The following ATP9B variants were observed in gnomAD, a reference collection of about 807,000 sequenced individuals.
ATP9B encodes the protein ATPase phospholipid transporting 9B, also known as probable phospholipid-transporting ATPase IIB.
Under a neutral mutation model 146.1 loss-of-function variants are expected in ATP9B, and 110 were observed. The ratio of observed to expected loss-of-function variants is 0.75; its 90% CI spans 0.65 to 0.88. ATP9B has a LOEUF of 0.88. Ranked by LOEUF, ATP9B falls within the 40% of genes least tolerant of loss-of-function variation. The pLI is 0.00. For synonymous variants in ATP9B, 604 were observed against 569.7 expected (o/e 1.06, Z -0.86); for missense variants, 1,499 against 1,496.4 (o/e 1.00, Z -0.03).
chr18:79,254,802 A>G lies in ATP9B; in HGVS notation c.1268+1261A>G, dbSNP rs76422612. The G allele has an allele frequency of 3.4e-3, 524 of 152,760 alleles. 14 individuals carry two copies. In the East Asian group the frequency reaches 0.061, roughly 18 times the overall value. 9.5% of individuals were successfully genotyped at this position (152,760 alleles called of 1,614,324 possible). On this transcript the variant is annotated intron_variant, in intron 12 of 29. Coordinates refer to ENST00000426216, the MANE Select transcript of ATP9B (RefSeq NM_198531.5). ...TGCTTCAGTGCTCCTCTACCTCATC[A>G]TTCCATGGCTGGGCTTGTCTTGTCA...
chr18:79,350,809 C>G (rs2096918632), intron 25 of ATP9B, among the ~76,000 whole-genome samples: 1 of 149,690 alleles, frequency 6.7e-6, no homozygotes, highest in African/African-American at 2.5e-5. Context: ...TGCTGTGTCG[C>G]CCAGGCTGGA....
chr18:79,217,325 C>T (rs754201040), intron 11 of ATP9B, among the ~76,000 whole-genome samples: 1 of 152,306 alleles, frequency 6.6e-6, no homozygotes, highest in Admixed American at 6.5e-5. Context: ...GCTGGGACTA[C>T]AGGCGTCCAC....
intron 1 of ATP9B, among the ~76,000 whole-genome samples, chr18:79,083,368 A>T (rs1005650978): frequency 2.6e-5 from 4 of 152,196 alleles, no homozygotes; most frequent in African/African-American, 9.6e-5. Flanking sequence ...TCGCTGAGGT[A>T]GATCACTTGG....
chr18:79,096,646 C>T lies in ATP9B; in HGVS notation c.290C>T (p.Thr97Ile), dbSNP rs2074805031. 1 of 1,611,134 alleles carries T rather than the reference C, an allele frequency of 6.2e-7. No individual in the cohort carries two copies. Among genetic ancestry groups the T allele is most frequent in the Non-Finnish European group, 8.5e-7 (1 of 1,178,324 alleles). The change falls in exon 2 of 30, where the codon ACC (threonine) becomes ATC (isoleucine). Residue 97 changes from threonine to isoleucine, a missense_variant. Physicochemically the swap from Thr to Ile is moderately conservative, Grantham distance 89 (BLOSUM62 -1). Transcript: ENST00000426216. ...FVCDGWKFLCTSCCGWLINIC... is the reference protein window; with the variant it reads ...FVCDGWKFLCISCCGWLINIC... ...TGTGATGGCTGGAAGTTCCTCTGTA[C>T]CAGGTTTGTTATCCATTGCTACCTA...
At chr18:79,094,187 G>A (rs957850962) in intron 1 of ATP9B, among the ~76,000 whole-genome samples, 1 of 152,208 alleles carries the variant, frequency 6.6e-6, no homozygotes, top group Non-Finnish European at 1.5e-5. Context: ...AGGGCCTGTT[G>A]TGTAGGACCT....
intron 15 of ATP9B, among the ~76,000 whole-genome samples, chr18:79,314,088 A>C (rs1410800149): frequency 6.6e-6 from 1 of 152,150 alleles, no homozygotes; most frequent in African/African-American, 2.4e-5. Context: ...AGAATATTGC[A>C]CCCTGGAGCT....
At chr18:79,122,277 A>G (rs1341845388) in intron 4 of ATP9B, among the ~76,000 whole-genome samples, 1 of 152,186 alleles carries the variant, frequency 6.6e-6, no homozygotes, top group Non-Finnish European at 1.5e-5. Context: ...TTAAGAAGTT[A>G]CCTCTGCATC....
intron 4 of ATP9B, among the ~76,000 whole-genome samples, chr18:79,122,948 T>G (rs1289489923): frequency 6.6e-6 from 1 of 152,176 alleles, no homozygotes; most frequent in African/African-American, 2.4e-5. Context: ...AAATTTCTTC[T>G]GTTCTTAAAA....
At chr18:79,272,300 A>G (rs1285019199) in intron 12 of ATP9B, among the ~76,000 whole-genome samples, 3 of 152,210 alleles carry the variant, frequency 2.0e-5, no homozygotes, top group Non-Finnish European at 4.4e-5. Flanking sequence ...TTTAGGGTGT[A>G]TCTCTGCCTT....
At chr18:79,100,653 G>A (rs964491437) in intron 2 of ATP9B, among the ~76,000 whole-genome samples, 3 of 152,060 alleles carry the variant, frequency 2.0e-5, no homozygotes, top group Non-Finnish European at 4.4e-5. Context: ...AAATAGTATA[G>A]AGGGGTCCTG....
rs530992878 is a variant in ATP9B, at chr18:79,301,270, TC to T, written c.1412-2333del. Among the ~76,000 whole-genome samples, 85 of 152,288 alleles carry T rather than the reference TC, an allele frequency of 5.6e-4. 2 individuals carry two copies. In the South Asian group the frequency reaches 0.017, roughly 31 times the overall value. On this transcript the variant is annotated intron_variant, in intron 13 of 29. Transcript: ENST00000426216. ...ACTTTGGGAGGCCAGGGCGGGCAGA[TC>T]ACCTGAGGTCGGGAGTTCCAGACCA...
chr18:79,190,630 G>A (rs528017118), intron 8 of ATP9B, among the ~76,000 whole-genome samples: 2 of 152,022 alleles, frequency 1.3e-5, no homozygotes, highest in African/African-American at 4.8e-5. Context: ...TGCAACCTCT[G>A]CCTCCCGGGT....
At chr18:79,265,593 C>T (rs2096194918) in intron 12 of ATP9B, among the ~76,000 whole-genome samples, 1 of 151,962 alleles carries the variant, frequency 6.6e-6, no homozygotes. Flanking sequence ...GGATATTAAA[C>T]CTTTGTCAGA....
At chr18:79,085,779 T>C (rs2073763883) in intron 1 of ATP9B, 1 of 152,228 alleles carries the variant, frequency 6.6e-6, no homozygotes, top group Non-Finnish European at 1.5e-5. Flanking sequence ...ATTTGCAATC[T>C]TACAATAGTT....
chr18:79,129,209 T>G (rs1464955534), intron 5 of ATP9B, among the ~76,000 whole-genome samples: 1 of 151,888 alleles, frequency 6.6e-6, no homozygotes, highest in Non-Finnish European at 1.5e-5. Context: ...GATAGTAGAG[T>G]GTCAAATGCC....
chr18:79,097,465 T>C (rs1257120765), intron 2 of ATP9B, among the ~76,000 whole-genome samples: 1 of 151,024 alleles, frequency 6.6e-6, no homozygotes, highest in East Asian at 1.9e-4. Context: ...GGTATTTTCT[T>C]TTTTTTTAAT....
At chr18:79,225,256 G>A (rs933014223) in intron 11 of ATP9B, among the ~76,000 whole-genome samples, 2 of 152,052 alleles carry the variant, frequency 1.3e-5, no homozygotes, top group Non-Finnish European at 2.9e-5. Flanking sequence ...TGTACCAAAC[G>A]CTCTCTTTTA....
chr18:79,192,559 T>A (rs1043993256), intron 8 of ATP9B, among the ~76,000 whole-genome samples: 1 of 152,214 alleles, frequency 6.6e-6, no homozygotes, highest in Non-Finnish European at 1.5e-5. Context: ...AGCCAATGAA[T>A]GAAGCAACCT....
chr18:79,082,257 T>C lies in ATP9B; in HGVS notation c.119+12728T>C, dbSNP rs571455751. ...TGCTGTGTTTTTCGGCTCCATCAGG[T>C]AATTTATGTTCTTCTCTAAACTGGT... On this transcript the variant is annotated intron_variant, in intron 1 of 29. Transcript: ENST00000426216. Among the ~76,000 whole-genome samples the C allele has an allele frequency of 2.0e-4, 31 of 152,334 alleles. 1 individual carries two copies. The South Asian group carries it at 6.4e-3, about 32-fold the overall frequency.
Sources: allele counts gnomAD v4.1 joint callset (sites outside exome capture counted in the v4.1 genomes callset), GRCh38; gene constraint gnomAD v4.1.1; transcripts MANE v1.5; gene names NCBI Gene and HGNC (gene_info 2026-07-23, HGNC 2026-07-21).